The following DMD variants were observed in gnomAD, a reference collection of about 807,000 sequenced individuals.
The protein encoded by DMD is mutant dystrophin.
Under a neutral mutation model 330.1 loss-of-function variants are expected in DMD, and 63 were observed. That is an observed-to-expected ratio of 0.19 (90% CI 0.16 to 0.24). The LOEUF (loss-of-function observed/expected upper bound fraction) is 0.24. Among genes scored for constraint, DMD ranks in the 10% least tolerant of loss-of-function variants. The pLI is 1.00. For missense variants in DMD, 3,344 were observed against 2,684.1 expected, an observed-to-expected ratio of 1.25 and a Z score of -5.43; for synonymous variants, 1,223 against 959.8, an observed-to-expected ratio of 1.27 and a Z score of -5.07.
intron 44 of DMD, among the ~76,000 whole-genome samples, chrX:32,161,196 A>T (rs2147258716): frequency 8.9e-6 from 1 of 112,179 alleles, no homozygotes; most frequent in African/African-American, 3.2e-5. Flanking sequence ...TAAGGAAAAT[A>T]ACCAATGTAG....
Position 32,252,665 on chromosome X carries a change from T to TATATATAA in DMD, c.6290+34863_6290+34864insTTATATAT, listed in dbSNP as rs1569553560. Among the ~76,000 whole-genome samples the TATATATAA allele has an allele frequency of 7.5e-4, 32 of 42,775 alleles. 3 individuals carry two copies. Among genetic ancestry groups the TATATATAA allele is most frequent in the Admixed American group, 6.9e-3 (15 of 2,167 alleles). 37.1% of individuals were successfully genotyped at this position (42,775 alleles called of 115,157 possible). ...ATATATATAAATACAAATATATAAATATATATATATAAATATATAAATATA... is the reference window on the plus strand; with the variant it reads ...ATATATATAAATACAAATATATAAATATATATAAATATATATATAAATATATAAATATA... On this transcript the variant is annotated intron_variant, in intron 43 of 78. Coordinates refer to ENST00000357033, the MANE Select transcript of DMD (RefSeq NM_004006.3).
At chrX:32,609,507 T>A (rs1475583578) in intron 12 of DMD, among the ~76,000 whole-genome samples, 1 of 110,945 alleles carries the variant, frequency 9.0e-6, no homozygotes, top group Non-Finnish European at 1.9e-5. Context: ...ACAGCACCCA[T>A]GTGCTATAAT....
At chrX:31,289,653 T>C (rs1052051506) in intron 62 of DMD, among the ~76,000 whole-genome samples, 2 of 110,223 alleles carry the variant, frequency 1.8e-5, no homozygotes, top group African/African-American at 6.6e-5. Context: ...ACTGTGATAC[T>C]GGGGGAAAAA....
chrX:33,099,766 T>A (rs2095218409), intron 1 of DMD, among the ~76,000 whole-genome samples: 1 of 111,819 alleles, frequency 8.9e-6, no homozygotes, highest in African/African-American at 3.2e-5. Flanking sequence ...AAACAGATTG[T>A]TTTTTAATTA....
In DMD at chrX:32,816,617, G is replaced by A. The variant is rs1286648070; in HGVS notation, c.381C>T (p.Ile127=). Reference sequence around the variant, plus strand: ...TGTTGGTTTGTTGCAATCCAGCCATGATATTTTTCATTACATTTTTGACCT... The same window carrying A: ...TGTTGGTTTGTTGCAATCCAGCCATAATATTTTTCATTACATTTTTGACCT... ...HWQVKNVMKN[I]MAGLQQTNSE... is the part of the protein sequence containing the mutation. The change falls in exon 6 of 79, where the codon ATC becomes ATT. Residue 127 remains isoleucine (I), a synonymous_variant. Transcript: ENST00000357033. 1 of 1,211,164 alleles carries A rather than the reference G, an allele frequency of 8.3e-7. No individual in the cohort carries two copies. Among genetic ancestry groups the A allele is most frequent in the Admixed American group, 2.2e-5 (1 of 45,961 alleles).
chrX:31,677,209 T>A (rs1021506797), intron 53 of DMD, among the ~76,000 whole-genome samples: 2 of 111,792 alleles, frequency 1.8e-5, no homozygotes, highest in Non-Finnish European at 3.8e-5. Flanking sequence ...CTTCTGCAGA[T>A]ATTTTTGTCT....
chrX:32,281,120 C>A (rs1431023849), intron 43 of DMD, among the ~76,000 whole-genome samples: 1 of 112,322 alleles, frequency 8.9e-6, no homozygotes, highest in Non-Finnish European at 1.9e-5. Context: ...GAGAACTGAA[C>A]AATGGAGAAA....
At chrX:32,678,398 G>C (rs1397312938) in intron 9 of DMD, among the ~76,000 whole-genome samples, 10 of 111,576 alleles carry the variant, frequency 9.0e-5, no homozygotes, top group Admixed American at 2.9e-4. Context: ...ACAAAAGTGA[G>C]CACAATGTGC....
intron 23 of DMD, among the ~76,000 whole-genome samples, chrX:32,467,944 T>A (rs1382424671): frequency 9.1e-6 from 1 of 110,241 alleles, no homozygotes; most frequent in African/African-American, 3.3e-5. Context: ...GAGTTATACA[T>A]AATGGGATGA....
At chrX:32,067,253 A>C (rs769463115) in intron 44 of DMD, among the ~76,000 whole-genome samples, 1 of 111,921 alleles carries the variant, frequency 8.9e-6, no homozygotes, top group South Asian at 3.7e-4. Flanking sequence ...GATCTCCGAC[A>C]TGACTTGATA....
At chrX:33,148,057 T>G (rs1230812272) in intron 1 of DMD, among the ~76,000 whole-genome samples, 1 of 112,012 alleles carries the variant, frequency 8.9e-6, no homozygotes, top group Non-Finnish European at 1.9e-5. Flanking sequence ...AAATCCTTTA[T>G]AGATATTCAG....
rs902330036 is a variant in DMD at position 32,341,949 on chromosome X, C to A, written c.5922+151G>T. 1.3e-5 allele frequency: 7 copies of A among 544,144 alleles called. No individual in the cohort carries two copies. The African/African-American group carries it at 1.4e-4, about 11-fold the overall frequency. The allele number at this position is 544,144 out of a possible 1,213,427, so 44.8% of individuals were successfully genotyped here. Reference sequence around the variant, plus strand: ...AATTAAGCACTAGTGTTACAGAAGCCCAAAGTGAGGGAAACCACTCACTTT... The same window carrying A: ...AATTAAGCACTAGTGTTACAGAAGCACAAAGTGAGGGAAACCACTCACTTT... On this transcript the variant is annotated intron_variant, in intron 41 of 78. Coordinates refer to ENST00000357033, the MANE Select transcript of DMD (RefSeq NM_004006.3).
intron 19 of DMD, 114 bp from the exon 20 acceptor site, chrX:32,491,632 C>A (rs1356452960): frequency 4.2e-6 from 3 of 710,797 alleles, no homozygotes; most frequent in Non-Finnish European, 6.2e-6. Context: ...TGATTTCAAA[C>A]CAGATCAATT....
intron 16 of DMD, among the ~76,000 whole-genome samples, chrX:32,565,245 A>G (rs2149092130): frequency 8.9e-6 from 1 of 111,838 alleles, no homozygotes; most frequent in South Asian, 3.7e-4. Context: ...TACACTAATA[A>G]AAAACTTTCC....
At chrX:31,419,411 T>G (rs1470334373) in intron 60 of DMD, among the ~76,000 whole-genome samples, 1 of 110,297 alleles carries the variant, frequency 9.1e-6, no homozygotes, top group Non-Finnish European at 1.9e-5. Flanking sequence ...ACGTATACAT[T>G]CATGGGTGTA....
intron 76 of DMD, 52 bp from the exon 77 acceptor site, chrX:31,134,246 T>G: frequency 1.0e-6 from 1 of 988,023 alleles, no homozygotes; most frequent in East Asian, 3.1e-5. Context: ...AGAAAACAGA[T>G]ATTAAAGGGC....
At chrX:32,465,217 A>G (rs1569563808) in intron 23 of DMD, among the ~76,000 whole-genome samples, 1 of 111,963 alleles carries the variant, frequency 8.9e-6, no homozygotes, top group Non-Finnish European at 1.9e-5. Context: ...TATTTGTCTG[A>G]CCAGTACGAA....
intron 7 of DMD, among the ~76,000 whole-genome samples, chrX:32,773,644 CAT>C (rs1432667182): frequency 9.1e-6 from 1 of 110,015 alleles, no homozygotes; most frequent in African/African-American, 3.3e-5. Context: ...TTAGCTCCCA[CAT>C]ATGAGTGAGA....
At chrX:31,169,737 A>G (rs1377805357) in intron 73 of DMD, 136 bp from the exon 74 acceptor site, 11 of 583,064 alleles carry the variant, frequency 1.9e-5, no homozygotes, top group Non-Finnish European at 3.1e-5. Context: ...TCCTGCTTCT[A>G]AAGACCTTTT....
Sources: allele counts gnomAD v4.1 joint callset (sites outside exome capture counted in the v4.1 genomes callset), GRCh38; gene constraint gnomAD v4.1.1; transcripts MANE v1.5; gene names NCBI Gene and HGNC (gene_info 2026-07-23, HGNC 2026-07-21).